Variants in TRERF1 observed in about 807,000 individuals in gnomAD.
The protein encoded by TRERF1 is transcriptional regulating factor 1, also known as transcriptional-regulating factor 1.
Under a neutral mutation model 122.9 loss-of-function variants are expected in TRERF1, and 27 were observed. That is an observed-to-expected ratio of 0.22 (90% confidence interval 0.16 to 0.30). The LOEUF is 0.30. TRERF1 is among the 10% of genes least tolerant of loss of function. The pLI is 1.00. For synonymous variants in TRERF1, 636 were observed against 641.7 expected, an observed-to-expected ratio of 0.99 and a Z score of 0.13; for missense variants, 1,248 against 1,560.3, an observed-to-expected ratio of 0.80 and a Z score of 3.37.
Position 42,238,869 on chromosome 6 carries a change from AC to A in TRERF1, c.2860-2459del, listed in dbSNP as rs1442696810. ...CACACACACACACACACACACACAC[AC>A]AATTTCTAGTTCTCATAACACTGTA... On this transcript the variant is annotated intron_variant, in intron 15 of 17. Coordinates refer to ENST00000372922, the Ensembl canonical transcript of TRERF1. Among the ~76,000 whole-genome samples the A allele has an allele frequency of 1.9e-3, 281 of 145,242 alleles. 3 individuals are homozygous for A. The highest frequency in any genetic ancestry group is 3.2e-3 in the African/African-American group (115 of 35,828).
intron 13 of TRERF1, among the ~76,000 whole-genome samples, chr6:42,249,539 C>T (rs138169983): frequency 6.6e-6 from 1 of 152,338 alleles, no homozygotes; most frequent in East Asian, 1.9e-4. Context: ...AGGAGACCTT[C>T]TCCCTGCTGA....
chr6:42,249,325 G>A (rs1378847760), intron 13 of TRERF1, among the ~76,000 whole-genome samples: 1 of 152,194 alleles, frequency 6.6e-6, no homozygotes, highest in Non-Finnish European at 1.5e-5. Flanking sequence ...TTCTCAGCCA[G>A]TCTCTGCAGT....
intron 9 of TRERF1, among the ~76,000 whole-genome samples, chr6:42,258,844 C>G (rs1188546265): frequency 6.6e-6 from 1 of 152,184 alleles, no homozygotes; most frequent in Non-Finnish European, 1.5e-5. Context: ...AAGCGATTCT[C>G]CTGCCTCAGC....
intron 4 of TRERF1, among the ~76,000 whole-genome samples, chr6:42,286,782 C>T (rs1410171506): frequency 7.6e-6 from 1 of 131,734 alleles, no homozygotes; most frequent in Admixed American, 7.8e-5. Context: ...CCCAGCAATC[C>T]CATTACTGGG....
At chr6:42,261,010 C>T (rs1284852938) in intron 8 of TRERF1, among the ~76,000 whole-genome samples, 1 of 152,044 alleles carries the variant, frequency 6.6e-6, no homozygotes, top group African/African-American at 2.4e-5. Context: ...AGTGAGGTTC[C>T]TAACTACCCC....
intron 2 of TRERF1, among the ~76,000 whole-genome samples, chr6:42,387,115 A>T (rs866633997): frequency 6.6e-6 from 1 of 152,198 alleles, no homozygotes; most frequent in Admixed American, 6.5e-5. Context: ...TGGGGGATTT[A>T]AAAAAATTTT....
In TRERF1 at chr6:42,275,405, A is replaced by C. The variant is rs1480109327; in HGVS notation, c.-258-5557T>G. ...GGGTGGGCTCAACAAATAAATGCCC[A>C]CTCAGAACCTAAGGTGCCACTCCAC... On this transcript the variant is annotated intron_variant, in intron 4 of 17. Coordinates refer to ENST00000372922, the Ensembl canonical transcript of TRERF1. The surrounding 1 kb of genome is among the most constrained non-coding windows in gnomAD (Gnocchi z 4.1). Among the ~76,000 whole-genome samples the C allele has an allele frequency of 6.6e-6, 1 of 152,178 alleles. No individual in the cohort carries two copies. Among genetic ancestry groups the C allele is most frequent in the African/African-American group, 2.4e-5 (1 of 41,438 alleles).
chr6:42,291,201 C>T (rs1408020438), intron 4 of TRERF1, among the ~76,000 whole-genome samples: 1 of 152,140 alleles, frequency 6.6e-6, no homozygotes, highest in Non-Finnish European at 1.5e-5. Context: ...AAGGGCTAAG[C>T]CCCCAACCCT....
At chr6:42,431,914 A>C (rs901481817) in intron 2 of TRERF1, among the ~76,000 whole-genome samples, 1 of 152,230 alleles carries the variant, frequency 6.6e-6, no homozygotes, top group Non-Finnish European at 1.5e-5. Flanking sequence ...AGGCCCAACT[A>C]ACAGAAGACT....
chr6:42,373,755 TG>T (rs1225117302), intron 2 of TRERF1, among the ~76,000 whole-genome samples: 5 of 135,348 alleles, frequency 3.7e-5, no homozygotes, highest in Admixed American at 3.7e-4. Flanking sequence ...CGCTTGAACC[TG>T]GGAGGCAGAG....
chr6:42,282,418 C>T (rs1196603695), intron 4 of TRERF1, among the ~76,000 whole-genome samples: 2 of 152,116 alleles, frequency 1.3e-5, no homozygotes, highest in South Asian at 2.1e-4. Context: ...TGTGGTGGTG[C>T]ACACTTGTAG....
At chr6:42,283,558 T>C (rs993891269) in intron 4 of TRERF1, among the ~76,000 whole-genome samples, 10 of 151,552 alleles carry the variant, frequency 6.6e-5, no homozygotes, top group African/African-American at 1.9e-4. Flanking sequence ...TTTTGAACCA[T>C]GTGAATACAT....
At chr6:42,234,844 A>T (rs1771731038) in intron 16 of TRERF1, among the ~76,000 whole-genome samples, 1 of 152,244 alleles carries the variant, frequency 6.6e-6, no homozygotes, top group Non-Finnish European at 1.5e-5. Context: ...GATGGGAAAA[A>T]GTAAAAGATA....
chr6:42,305,666 T>G (rs1344391530), intron 3 of TRERF1, among the ~76,000 whole-genome samples: 3 of 151,688 alleles, frequency 2.0e-5, no homozygotes, highest in Non-Finnish European at 4.4e-5. Context: ...CAGGACCAAA[T>G]GAAGTGTGAA....
At chr6:42,435,802 C>T (rs577564167) in intron 2 of TRERF1, among the ~76,000 whole-genome samples, 19 of 143,030 alleles carry the variant, frequency 1.3e-4, no homozygotes, top group African/African-American at 3.9e-4. Flanking sequence ...AGTGAAACCC[C>T]GTCTTTACCA....
intron 2 of TRERF1, among the ~76,000 whole-genome samples, chr6:42,400,646 G>A (rs1779252845): frequency 6.6e-6 from 1 of 152,156 alleles, no homozygotes; most frequent in East Asian, 1.9e-4. Flanking sequence ...GAAGCAAGGG[G>A]GCTCCACTCT....
intron 13 of TRERF1, among the ~76,000 whole-genome samples, chr6:42,251,163 T>C (rs1775734364): frequency 6.6e-6 from 1 of 151,810 alleles, no homozygotes; most frequent in Admixed American, 6.6e-5. Flanking sequence ...GCCTGGCTAA[T>C]TTTTGTATTT....
chr6:42,373,645 C>T (rs1050057069), intron 2 of TRERF1, among the ~76,000 whole-genome samples: 10 of 151,758 alleles, frequency 6.6e-5, no homozygotes, highest in Non-Finnish European at 1.2e-4. Context: ...CCAGCCTGGG[C>T]AACAGAGTGA....
At chr6:42,423,361 A>G (rs1283250343) in intron 2 of TRERF1, among the ~76,000 whole-genome samples, 1 of 152,230 alleles carries the variant, frequency 6.6e-6, no homozygotes, top group East Asian at 1.9e-4. Flanking sequence ...GCCAAAACTT[A>G]AAACCAGAAA....
Sources: allele counts gnomAD v4.1 joint callset (sites outside exome capture counted in the v4.1 genomes callset), GRCh38; gene constraint gnomAD v4.1.1; non-coding constraint Gnocchi (gnomAD v3.1); transcripts MANE v1.5; gene names NCBI Gene and HGNC (gene_info 2026-07-23, HGNC 2026-07-21).